Variants in MYO19 observed in about 807,000 individuals in gnomAD.
The protein encoded by MYO19 is unconventional myosin-XIX.
Under a neutral mutation model 129.2 loss-of-function variants are expected in MYO19, and 132 were observed. The ratio of observed to expected loss-of-function variants is 1.02; its 90% CI spans 0.89 to 1.18. MYO19 has a LOEUF of 1.18. Among genes scored for constraint, MYO19 ranks in the 50% most tolerant of loss-of-function variants. MYO19 has a pLI of 0.00. For missense variants in MYO19, 1,210 were observed against 1,216.7 expected (o/e 0.99, Z 0.08); for synonymous variants, 531 against 477.2 (o/e 1.11, Z -1.47).
At position 36,527,617 on chromosome 17, in the gene MYO19, G is replaced by A. The variant is rs754284441; in HGVS notation, c.234C>T (p.Phe78=). Reference sequence around the variant, plus strand: ...GCGAGTAGAGCTGAGGAACAGGCTTGAAGGGGTTCAAGGCTACCAGGGTGC... The same window carrying A: ...GCGAGTAGAGCTGAGGAACAGGCTTAAAGGGGTTCAAGGCTACCAGGGTGC... ...AGCTLVALNP[F]KPVPQLYSPE... The change falls in exon 5 of 26, where the codon TTC becomes TTT. Residue 78 remains phenylalanine (F), a synonymous_variant. Transcript: ENST00000614623. The A allele has an allele frequency of 3.5e-5, 56 of 1,613,874 alleles. No individual in the cohort carries two copies. In the East Asian group the frequency reaches 1.1e-3, roughly 32 times the overall value.
upstream of MYO19, chr17:36,538,079 G>T (rs1367171449): frequency 1.9e-6 from 3 of 1,614,050 alleles, no homozygotes; most frequent in African/African-American, 4.0e-5. Flanking sequence ...GGTTATATAT[G>T]CATAAGAACC....
intron 18 of MYO19, among the ~76,000 whole-genome samples, chr17:36,506,051 G>C (rs2071859464): frequency 6.6e-6 from 1 of 152,184 alleles, no homozygotes; most frequent in Non-Finnish European, 1.5e-5. Context: ...TCCCAGGAAG[G>C]TGGGGCGGTA....
chr17:36,531,180 G>A (rs1456885659), intron 3 of MYO19, among the ~76,000 whole-genome samples: 1 of 151,978 alleles, frequency 6.6e-6, no homozygotes, highest in Non-Finnish European at 1.5e-5. Context: ...GGATCACGAG[G>A]TCAGGAGATC....
chr17:36,498,701 CAAACTGGTTCCAT>C (rs1404719979), intron 24 of MYO19, 142 bp from the exon 25 acceptor site: 6 of 920,318 alleles, frequency 6.5e-6, no homozygotes, highest in Non-Finnish European at 9.5e-6. Context: ...TGCCCTGAAC[CAAACTGGTTCCAT>C]ATGCCACAAG....
intron 11 of MYO19, 192 bp downstream of exon 11, chr17:36,513,237 T>A: frequency 6.9e-7 from 1 of 1,454,938 alleles, no homozygotes; most frequent in Non-Finnish European, 9.0e-7. Context: ...CTCTTCCTTA[T>A]GCCCCGTCCA....
chr17:36,506,139 G>T (rs527328910), intron 18 of MYO19, among the ~76,000 whole-genome samples: 4 of 152,244 alleles, frequency 2.6e-5, no homozygotes, highest in Admixed American at 2.6e-4. Context: ...CAGGAAGCTA[G>T]ACAGCTGGAG....
At position 36,507,924 on chromosome 17, in the gene MYO19, C is replaced by A. The variant is rs766397616; in HGVS notation, c.1232G>T (p.Gly411Val). 6.3e-7 allele frequency: 1 copy of A among 1,596,682 alleles called. No homozygotes were observed. Among genetic ancestry groups the A allele is most frequent in the Admixed American group, 1.7e-5 (1 of 58,462 alleles). The change falls in exon 15 of 26, where the codon GGC (glycine) becomes GTC (valine). Residue 411 changes from glycine to valine, a missense_variant and splice_region_variant. Physicochemically the swap from Gly to Val is moderately radical, Grantham distance 109. Transcript: ENST00000614623. ...TTCAAATCCATACACATCCAGCAGG[C>A]CTGGGAAGATGGCAGAGAACCCATG... ...ADTDSWTTFI[G>V]LLDVYGFESF...
chr17:36,543,335 AG>A (rs2074209827), exon 1 of MYO19: 1 of 151,522 alleles, frequency 6.6e-6, no homozygotes, highest in South Asian at 2.1e-4. Context: ...TTGTATTTTT[AG>A]TAGAGACTGG....
rs1481810279 is a variant in MYO19, at chr17:36,498,579, T to C, written c.2464-20A>G. On this transcript the variant is annotated intron_variant, in intron 24 of 25. Coordinates refer to ENST00000614623, the MANE Select transcript of MYO19 (RefSeq NM_001163735.2). ...TCTGATCTTAAAAAGCAAATATCCC[T>C]TTATAGCTTTAGATTTATCTAGCCC... 9 of 1,591,752 alleles carry C rather than the reference T, an allele frequency of 5.7e-6. No homozygotes were observed. The highest frequency in any genetic ancestry group is 2.7e-5 in the African/African-American group (2 of 74,308).
chr17:36,517,867 T>A (rs1044440111), intron 6 of MYO19, among the ~76,000 whole-genome samples: 1 of 151,786 alleles, frequency 6.6e-6, no homozygotes, highest in Admixed American at 6.6e-5. Context: ...GGTGGGTGGA[T>A]TGCCTGAGTT....
chr17:36,497,813 G>A (rs186436413), intron 25 of MYO19: 6 of 157,562 alleles, frequency 3.8e-5, no homozygotes, highest in South Asian at 2.0e-4. Context: ...TTGAACTCCT[G>A]ACCTCAGGTG....
At position 36,507,884 on chromosome 17, in the gene MYO19, G is replaced by T; in HGVS notation, c.1272C>A (p.Asn424Lys). 6.2e-7 allele frequency: 1 copy of T among 1,612,624 alleles called. No individual in the cohort carries two copies. The highest frequency in any genetic ancestry group is 8.5e-7 in the Non-Finnish European group (1 of 1,178,992). The change falls in exon 15 of 26, where the codon AAC becomes AAA. Residue 424 changes from asparagine (N) to lysine (K), a missense_variant. Physicochemically the swap from Asn to Lys is moderately conservative, Grantham distance 94 (BLOSUM62 0). Coordinates refer to ENST00000614623, the MANE Select transcript of MYO19 (RefSeq NM_001163735.2). ...DVYGFESFPDNSLEQLCINYA... is the reference protein window; with the variant it reads ...DVYGFESFPDKSLEQLCINYA... Reference sequence around the variant, plus strand: ...AGTTGATGCACAACTGTTCCAGACTGTTGTCAGGAAATGATTCAAATCCAT... The same window carrying T: ...AGTTGATGCACAACTGTTCCAGACTTTTGTCAGGAAATGATTCAAATCCAT...
At chr17:36,499,416 G>A (rs1381480920) in intron 23 of MYO19, 1 of 312,060 alleles carries the variant, frequency 3.2e-6, no homozygotes, top group East Asian at 6.5e-5. Flanking sequence ...GACTGGCTGA[G>A]GGCCCAGCAA....
intron 20 of MYO19, among the ~76,000 whole-genome samples, chr17:36,503,464 A>G (rs1269377159): frequency 1.3e-5 from 2 of 152,202 alleles, no homozygotes; most frequent in South Asian, 4.1e-4. Context: ...TTGTGTTAGC[A>G]GGGGATTTGC....
chr17:36,537,899 C>T (rs368650542), upstream of MYO19: 118 of 1,613,846 alleles, frequency 7.3e-5, no homozygotes, highest in Middle Eastern at 1.6e-4. Context: ...TTATTGCCCT[C>T]GGCATTACTG....
At position 36,513,436 on chromosome 17, in the gene MYO19, ATGT is replaced by A. The variant is rs747564925; in HGVS notation, c.884_886del (p.Asn295del). On this transcript the variant is annotated inframe_deletion, in exon 11 of 26. Coordinates refer to ENST00000614623, the MANE Select transcript of MYO19 (RefSeq NM_001163735.2). ...CGTGGCTTTTCTTCTGACCTTAAAG[ATGT>A]TGTTCTGGGTAGGGGTGTCAATGCC... The A allele has an allele frequency of 3.7e-6, 6 of 1,613,912 alleles. No individual in the cohort carries two copies. Among genetic ancestry groups the A allele is most frequent in the Non-Finnish European group, 5.1e-6 (6 of 1,179,898 alleles).
At chr17:36,515,719 G>T in intron 7 of MYO19, 139 bp downstream of exon 7, 1 of 836,780 alleles carries the variant, frequency 1.2e-6, no homozygotes, top group Non-Finnish European at 1.8e-6. Flanking sequence ...GAGAGGTTGG[G>T]GATCTGAGGC....
intron 13 of MYO19, among the ~76,000 whole-genome samples, chr17:36,510,198 GA>G (rs959689847): frequency 6.6e-6 from 1 of 152,232 alleles, no homozygotes; most frequent in African/African-American, 2.4e-5. Flanking sequence ...CAAGGTGAGA[GA>G]TCATCCTTAA....
At chr17:36,537,931 A>G, upstream of MYO19, 1 of 1,614,074 alleles carries the variant, frequency 6.2e-7, no homozygotes, top group Non-Finnish European at 8.5e-7. Context: ...CTAGCCCTTG[A>G]CTTTACCTCA....
Sources: allele counts gnomAD v4.1 joint callset (sites outside exome capture counted in the v4.1 genomes callset), GRCh38; gene constraint gnomAD v4.1.1; transcripts MANE v1.5; gene names NCBI Gene and HGNC (gene_info 2026-07-23, HGNC 2026-07-21).